Variants in BMPR2 observed in about 807,000 individuals in gnomAD.
BMPR2 encodes bone morphogenetic protein receptor type-2.
In BMPR2, 29 loss-of-function variants were observed where a neutral mutation model predicts 100.8. The observed-to-expected ratio is 0.29, with a 90% CI of 0.21 to 0.39. The LOEUF is 0.39. Ranked by LOEUF, BMPR2 falls within the 10% of genes least tolerant of loss-of-function variation. The pLI, the probability that BMPR2 is intolerant of heterozygous loss-of-function variation, is 1.00. For synonymous variants in BMPR2, 382 were observed against 442.3 expected (o/e 0.86, Z 1.71); for missense variants, 1,011 against 1,274.5 (o/e 0.79, Z 3.15).
At chr2:202,412,534 T>C (rs1691034808) in intron 1 of BMPR2, among the ~76,000 whole-genome samples, 1 of 152,180 alleles carries the variant, frequency 6.6e-6, no homozygotes, top group African/African-American at 2.4e-5. Flanking sequence ...TTAGTCAGGA[T>C]GGTCTTGATC....
At chr2:202,444,881 C>G (rs573631422) in intron 1 of BMPR2, among the ~76,000 whole-genome samples, 1 of 150,680 alleles carries the variant, frequency 6.6e-6, no homozygotes, top group Non-Finnish European at 1.5e-5. Flanking sequence ...CTCCGCCTCC[C>G]GGGTTCAAGC....
At chr2:202,445,771 ATTTT>A (rs759063361) in intron 1 of BMPR2, among the ~76,000 whole-genome samples, 1 of 120,040 alleles carries the variant, frequency 8.3e-6, no homozygotes. Flanking sequence ...TACAAACATA[ATTTT>A]TTTTTTTTTT....
intron 1 of BMPR2, among the ~76,000 whole-genome samples, chr2:202,437,289 C>T (rs1284460451): frequency 6.6e-6 from 1 of 150,692 alleles, no homozygotes; most frequent in East Asian, 1.9e-4. Flanking sequence ...CAGGCGTGAG[C>T]CACTGCGCCC....
At chr2:202,517,816 CTT>C (rs753338130) in intron 5 of BMPR2, among the ~76,000 whole-genome samples, 10 of 142,240 alleles carry the variant, frequency 7.0e-5, no homozygotes, top group Non-Finnish European at 9.3e-5. Flanking sequence ...CTTCTTTTTT[CTT>C]TTTTTTTTTT....
chr2:202,482,334 A>C (rs1280555302), intron 3 of BMPR2, among the ~76,000 whole-genome samples: 1 of 152,192 alleles, frequency 6.6e-6, no homozygotes, highest in Non-Finnish European at 1.5e-5. Context: ...TTGGATGTAT[A>C]CCAAGAAATA....
chr2:202,377,413 C>A lies in BMPR2; in HGVS notation c.-62C>A, dbSNP rs1268877041. 1.3e-6 allele frequency: 2 copies of A among 1,528,042 alleles called. No homozygotes were observed. Among genetic ancestry groups the A allele is most frequent in the Non-Finnish European group, 1.8e-6 (2 of 1,101,552 alleles). 94.7% of individuals were successfully genotyped at this position (1,528,042 alleles called of 1,614,324 possible). ...GAGAAGACGAGCCTCCCGGCTGTTTCTCCGCCGGTCTACTTCCCATATTTC... is the reference window on the plus strand; with the variant it reads ...GAGAAGACGAGCCTCCCGGCTGTTTATCCGCCGGTCTACTTCCCATATTTC... On this transcript the variant is annotated 5_prime_UTR_variant, in exon 1 of 13. Coordinates refer to ENST00000374580, the MANE Select transcript of BMPR2 (RefSeq NM_001204.7).
intron 3 of BMPR2, among the ~76,000 whole-genome samples, chr2:202,484,436 AG>A (rs1192812171): frequency 6.8e-6 from 1 of 146,618 alleles, no homozygotes; most frequent in Non-Finnish European, 1.5e-5. Context: ...GCACTTTGGG[AG>A]GCCGAGGCGG....
rs953197272 is a variant in BMPR2, at chr2:202,377,267, C to G, written c.-208C>G. 1 of 637,664 alleles carries G rather than the reference C, an allele frequency of 1.6e-6. No individual in the cohort carries two copies. The highest frequency in any genetic ancestry group is 2.3e-5 in the Admixed American group (1 of 43,158). The allele number at this position is 637,664 out of a possible 1,614,324, so 39.5% of individuals were successfully genotyped here. On this transcript the variant is annotated 5_prime_UTR_variant, in exon 1 of 13. Coordinates refer to ENST00000374580, the MANE Select transcript of BMPR2 (RefSeq NM_001204.7). Reference sequence around the variant, plus strand: ...TCCGAGGCGAAGGAACCCCCCCAGCCGCGAGGGAGAGAAATGAAGGGAATT... The same window carrying G: ...TCCGAGGCGAAGGAACCCCCCCAGCGGCGAGGGAGAGAAATGAAGGGAATT...
rs114276725 is a variant in BMPR2 at position 202,541,637 on chromosome 2, G to T, written c.1277-674G>T. On this transcript the variant is annotated intron_variant, in intron 9 of 12. Coordinates refer to ENST00000374580, the MANE Select transcript of BMPR2 (RefSeq NM_001204.7). ...CTGGAGTTTTTCCTCATCTTTACCC[G>T]CCTCCATGGGATCAGTGTTCAGGCA... Among the ~76,000 whole-genome samples the T allele has an allele frequency of 2.6e-5, 4 of 152,094 alleles. No individual in the cohort carries two copies. The East Asian group carries it at 5.8e-4, about 22-fold the overall frequency.
At position 202,483,487 on chromosome 2, in the gene BMPR2, C is replaced by T. The variant is rs541026793; in HGVS notation, c.418+15798C>T. ...ATCTCCGCCCCCCACCCCGCCTACC[C>T]GCCCAGGTTCAAGCCATTCTCCTGC... On this transcript the variant is annotated intron_variant, in intron 3 of 12. Coordinates refer to ENST00000374580, the MANE Select transcript of BMPR2 (RefSeq NM_001204.7). Among the ~76,000 whole-genome samples, 7 of 151,960 alleles carry T rather than the reference C, an allele frequency of 4.6e-5. No homozygotes were observed. In the East Asian group the frequency reaches 5.8e-4, roughly 13 times the overall value.
In BMPR2 at chr2:202,566,404, CAT is replaced by C. The variant is rs1688763810; in HGVS notation, c.*6460_*6461del. ...TGTTTCATCTTATTTGACTTTTTCA[CAT>C]AGATATAATATCAGATTTCATTAAT... On this transcript the variant is annotated 3_prime_UTR_variant, in exon 13 of 13. Transcript: ENST00000374580. 1.3e-5 allele frequency: 2 copies of C among 152,574 alleles called. No homozygotes were observed. The highest frequency in any genetic ancestry group is 1.5e-5 in the Non-Finnish European group (1 of 68,000). 9.5% of individuals were successfully genotyped at this position (152,574 alleles called of 1,614,324 possible). A position where few individuals can be genotyped will look rare whatever the true frequency, so the allele number is the denominator to read the frequency against.
chr2:202,474,751 G>C (rs1436600819), intron 3 of BMPR2: 1 of 152,112 alleles, frequency 6.6e-6, no homozygotes, highest in Admixed American at 6.5e-5. Context: ...TCGATCTCCT[G>C]ACCTCATGAT....
rs759296368 is a variant in BMPR2 at position 202,563,045 on chromosome 2, AT to A, written c.*3102del. The A allele has an allele frequency of 2.6e-5, 4 of 152,176 alleles. No homozygotes were observed. The highest frequency in any genetic ancestry group is 4.4e-5 in the Non-Finnish European group (3 of 68,036). 9.4% of individuals were successfully genotyped at this position (152,176 alleles called of 1,614,324 possible). ...ACATCTAGTAACAGACAAAGCTGGG[AT>A]TTCAGTCTATGTCTGCCTCTCTCCA... On this transcript the variant is annotated 3_prime_UTR_variant, in exon 13 of 13. Coordinates refer to ENST00000374580, the MANE Select transcript of BMPR2 (RefSeq NM_001204.7).
chr2:202,493,247 T>C (rs942963986), intron 3 of BMPR2, among the ~76,000 whole-genome samples: 1 of 152,194 alleles, frequency 6.6e-6, no homozygotes, highest in Non-Finnish European at 1.5e-5. Context: ...TAGGCTTAAA[T>C]GGACATTTCT....
rs368296652 is a variant in BMPR2, at chr2:202,534,514, G to A, written c.1276+1782G>A. On this transcript the variant is annotated intron_variant, in intron 9 of 12. Transcript: ENST00000374580. ...TGTTTAACAAAGCACATCTTGCACCGCCCTTAATCCATTTAACCCTGAGTG... is the reference window on the plus strand; with the variant it reads ...TGTTTAACAAAGCACATCTTGCACCACCCTTAATCCATTTAACCCTGAGTG... Among the ~76,000 whole-genome samples the A allele has an allele frequency of 6.5e-4, 99 of 152,138 alleles. 1 individual carries two copies. The East Asian group carries it at 0.017, about 26-fold the overall frequency.
chr2:202,451,437 G>A (rs1037832046), intron 1 of BMPR2, among the ~76,000 whole-genome samples: 1 of 152,178 alleles, frequency 6.6e-6, no homozygotes, highest in Non-Finnish European at 1.5e-5. Flanking sequence ...AGTGGCCCAC[G>A]CCTGTAATCC....
At chr2:202,553,006 C>T (rs1435301784) in intron 11 of BMPR2, 118 bp downstream of exon 11, 33 of 1,264,182 alleles carry the variant, frequency 2.6e-5, no homozygotes, top group Non-Finnish European at 3.7e-5. Context: ...CTCATACAAT[C>T]TAAAGTTATC....
chr2:202,532,802 TA>T lies in BMPR2; in HGVS notation c.1276+71del, dbSNP rs1688053694. 1.3e-6 allele frequency: 2 copies of T among 1,514,750 alleles called. No individual in the cohort carries two copies. Among genetic ancestry groups the T allele is most frequent in the African/African-American group, 2.8e-5 (2 of 72,702 alleles). The allele number at this position is 1,514,750 out of a possible 1,614,324, so 93.8% of individuals were successfully genotyped here. A position where few individuals can be genotyped will look rare whatever the true frequency, so the allele number is the denominator to read the frequency against. On this transcript the variant is annotated intron_variant, in intron 9 of 12. Transcript: ENST00000374580. The surrounding 1 kb of genome is among the most constrained non-coding windows in gnomAD (Gnocchi z 4.1). ...TTATATCTTCTTTCTCTACCTATAG[TA>T]CCTAACTCAACTTTTATGTAAGAAT... is the stretch of plus-strand genomic sequence containing the variant.
chr2:202,486,849 G>A (rs1467664852), intron 3 of BMPR2, among the ~76,000 whole-genome samples: 2 of 151,398 alleles, frequency 1.3e-5, no homozygotes, highest in Non-Finnish European at 2.9e-5. Context: ...AATATAGTGA[G>A]ACCCTGCCTC....
Sources: allele counts gnomAD v4.1 joint callset (sites outside exome capture counted in the v4.1 genomes callset), GRCh38; gene constraint gnomAD v4.1.1; non-coding constraint Gnocchi (gnomAD v3.1); transcripts MANE v1.5; gene names NCBI Gene and HGNC (gene_info 2026-07-23, HGNC 2026-07-21).